C2orf49: variants seen among roughly 807,000 people sequenced by gnomAD.
The protein encoded by C2orf49 is tRNA-splicing ligase complex subunit ASW.
A neutral mutation model predicts 20.6 loss-of-function variants in C2orf49; 11 were observed. The observed-to-expected ratio is 0.53, with a 90% CI of 0.34 to 0.88. The LOEUF (loss-of-function observed/expected upper bound fraction) is 0.88. C2orf49 is among the 40% of genes least tolerant of loss of function. C2orf49 has a pLI of 0.02. For missense variants in C2orf49, 289 were observed against 274.2 expected (o/e 1.05, Z -0.38); for synonymous variants, 134 against 108.5 (o/e 1.24, Z -1.46).
chr2:105,378,094 G>A, the C2orf49 span: 1 of 467,438 alleles, frequency 2.1e-6, no homozygotes, highest in South Asian at 1.6e-5. Context: ...GTCCCCAGAT[G>A]GAGGAAAGAG....
At chr2:105,366,216 AG>A in the C2orf49 span, among the ~76,000 whole-genome samples, 1 of 152,004 alleles carries the variant, frequency 6.6e-6, no homozygotes, top group African/African-American at 2.4e-5. Flanking sequence ...TCTCAAAAAA[AG>A]AAAAAAAAAA....
At chr2:105,355,349 A>G in the C2orf49 span, among the ~76,000 whole-genome samples, 24,154 of 152,216 alleles carry the variant, frequency 0.16, 2,115 homozygotes, top group Middle Eastern at 0.22. Context: ...AAGTAGTTCT[A>G]GTCTGGTGGT....
the C2orf49 span, among the ~76,000 whole-genome samples, chr2:105,372,025 G>GTTTT: frequency 6.6e-6 from 1 of 152,138 alleles, no homozygotes. Context: ...TCACCATGCA[G>GTTTT]CCCTTCCAGC....
At chr2:105,352,557 G>A (rs1181943286), downstream of C2orf49, among the ~76,000 whole-genome samples, 1 of 144,692 alleles carries the variant, frequency 6.9e-6, no homozygotes, top group African/African-American at 2.6e-5. Context: ...CGATTCTCCT[G>A]CCTCAGCCTC....
At position 105,339,704 on chromosome 2, in the gene C2orf49, T is replaced by C. The variant is rs1185660826; in HGVS notation, c.221T>C (p.Met74Thr). 2 of 1,606,108 alleles carry C rather than the reference T, an allele frequency of 1.2e-6. No individual in the cohort carries two copies. Among genetic ancestry groups the C allele is most frequent in the Admixed American group, 1.7e-5 (1 of 57,274 alleles). The change falls in exon 2 of 4, where the codon ATG becomes ACG. Residue 74 changes from methionine to threonine, a missense_variant. Coordinates refer to ENST00000258457, the MANE Select transcript of C2orf49 (RefSeq NM_024093.3). ...CCGAAGAATAGATGGGGGAAAATGA[T>C]GGAAAAGAAAAGAGAACAACATGAG... is the stretch of plus-strand genomic sequence containing the variant. The part of the protein sequence containing the change: ...DLPKNRWGKM[M>T]EKKREQHEIK...
the C2orf49 span, among the ~76,000 whole-genome samples, chr2:105,356,714 A>G: frequency 2.0e-5 from 3 of 152,160 alleles, no homozygotes; most frequent in African/African-American, 7.2e-5. Context: ...GTACTTTTGT[A>G]TATGTATGTT....
At chr2:105,350,914 T>C (rs1679916522), downstream of C2orf49, among the ~76,000 whole-genome samples, 2 of 152,104 alleles carry the variant, frequency 1.3e-5, no homozygotes, top group Admixed American at 6.6e-5. Flanking sequence ...ATTTTCTGAG[T>C]TTTTCCCTAA....
chr2:105,347,931 G>C lies in C2orf49; in HGVS notation c.*2560G>C, dbSNP rs1679852928. The C allele has an allele frequency of 6.6e-6, 1 of 152,210 alleles. No homozygotes were observed. Among genetic ancestry groups the C allele is most frequent in the African/African-American group, 2.4e-5 (1 of 41,462 alleles). The allele number at this position is 152,210 out of a possible 1,614,324, so 9.4% of individuals were successfully genotyped here. ...TGGAGTAGGCAAATGAATGGCATTA[G>C]AATTAGTGGGTGGCTTGTAAGTTGT... On this transcript the variant is annotated 3_prime_UTR_variant, in exon 4 of 4. Coordinates refer to ENST00000258457, the MANE Select transcript of C2orf49 (RefSeq NM_024093.3).
At position 105,343,012 on chromosome 2, in the gene C2orf49, ATTCCTC is replaced by A; in HGVS notation, c.435_440del (p.Ser147_Ser148del). The A allele has an allele frequency of 1.1e-5, 18 of 1,614,248 alleles. No individual in the cohort carries two copies. Among genetic ancestry groups the A allele is most frequent in the Non-Finnish European group, 1.4e-5 (17 of 1,180,046 alleles). ...AGTAATGCCTTTAGAAAATTATCAA[ATTCCTC>A]TTCGAGTGTTTCACCCCTAATTTTG... On this transcript the variant is annotated inframe_deletion, in exon 3 of 4. Coordinates refer to ENST00000258457, the MANE Select transcript of C2orf49 (RefSeq NM_024093.3).
At chr2:105,360,503 C>G in the C2orf49 span, 1 of 152,296 alleles carries the variant, frequency 6.6e-6, no homozygotes, top group Non-Finnish European at 1.5e-5. Context: ...ACTACAGGCG[C>G]TCACCACCAC....
chr2:105,362,903 C>T, the C2orf49 span: 14 of 179,332 alleles, frequency 7.8e-5, no homozygotes, highest in South Asian at 2.9e-4. Context: ...GGAGTACAAC[C>T]GTCCCACTAA....
downstream of C2orf49, among the ~76,000 whole-genome samples, chr2:105,352,429 G>GTTTTTTTTTTTTTTTTTTTTTTGTT (rs61585149): frequency 4.2e-4 from 34 of 80,752 alleles, no homozygotes; most frequent in South Asian, 6.0e-4. Flanking sequence ...GTTTGTTTGG[G>GTTTTTTTTTTTTTTTTTTTTTTGTT]TTTTTTTTTT....
chr2:105,372,658 G>A, the C2orf49 span, among the ~76,000 whole-genome samples: 11 of 152,072 alleles, frequency 7.2e-5, no homozygotes, highest in Admixed American at 4.6e-4. Context: ...GTGTGGTGGT[G>A]CACGCCTGTA....
At chr2:105,363,333 A>T in the C2orf49 span, 1 of 1,614,228 alleles carries the variant, frequency 6.2e-7, no homozygotes, top group Non-Finnish European at 8.5e-7. Context: ...TACAAGTCAC[A>T]GAAGCAGTTC....
chr2:105,353,526 C>T (rs551821013), downstream of C2orf49, among the ~76,000 whole-genome samples: 2 of 152,214 alleles, frequency 1.3e-5, no homozygotes, highest in East Asian at 1.9e-4. Context: ...CCATCTTCAT[C>T]TCTGTGTAAG....
chr2:105,348,788 T>C lies in C2orf49; in HGVS notation c.*3417T>C, dbSNP rs1182759337. 1.3e-5 allele frequency: 2 copies of C among 152,188 alleles called. No individual in the cohort carries two copies. The highest frequency in any genetic ancestry group is 4.8e-5 in the African/African-American group (2 of 41,454). 9.4% of individuals were successfully genotyped at this position (152,188 alleles called of 1,614,324 possible). ...ACCTTGAGTAGGTCTGTTATTCTTATTAAAATGGAAAAATGCTCTGTAATG... is the reference window on the plus strand; with the variant it reads ...ACCTTGAGTAGGTCTGTTATTCTTACTAAAATGGAAAAATGCTCTGTAATG... On this transcript the variant is annotated 3_prime_UTR_variant, in exon 4 of 4. Coordinates refer to ENST00000258457, the MANE Select transcript of C2orf49 (RefSeq NM_024093.3).
downstream of C2orf49, among the ~76,000 whole-genome samples, chr2:105,353,150 A>G (rs905022348): frequency 2.6e-5 from 4 of 152,154 alleles, no homozygotes; most frequent in Non-Finnish European, 4.4e-5. Flanking sequence ...TAATCAAGAA[A>G]TCACTTCCAT....
At chr2:105,365,429 G>A in the C2orf49 span, among the ~76,000 whole-genome samples, 150 of 152,192 alleles carry the variant, frequency 9.9e-4, no homozygotes, top group African/African-American at 3.5e-3. Context: ...CCAGAAGGAT[G>A]TGTTGCTTTC....
At chr2:105,371,188 CCA>C in the C2orf49 span, among the ~76,000 whole-genome samples, 16 of 152,112 alleles carry the variant, frequency 1.1e-4, no homozygotes, top group African/African-American at 3.9e-4. Flanking sequence ...GCTCTGGTAC[CCA>C]GTTGTTTGGT....
Sources: allele counts gnomAD v4.1 joint callset (sites outside exome capture counted in the v4.1 genomes callset), GRCh38; gene constraint gnomAD v4.1.1; transcripts MANE v1.5; gene names NCBI Gene and HGNC (gene_info 2026-07-23, HGNC 2026-07-21).